SPOPL: variants seen among roughly 807,000 people sequenced by gnomAD.
SPOPL encodes speckle-type POZ protein-like.
Under a neutral mutation model 53.8 loss-of-function variants are expected in SPOPL, and 23 were observed. The observed-to-expected ratio is 0.43, with a 90% confidence interval of 0.31 to 0.61. SPOPL has a LOEUF of 0.61. SPOPL is among the 20% of genes least tolerant of loss of function. The probability of loss-of-function intolerance (pLI) is 0.12; values close to 1 mark genes in which losing one functional copy is unlikely to be tolerated. For missense variants in SPOPL, 442 were observed against 466.9 expected (o/e 0.95, Z 0.49); for synonymous variants, 164 against 149.7 (o/e 1.10, Z -0.70).
At position 138,551,025 on chromosome 2, in the gene SPOPL, A is replaced by G; in HGVS notation, c.323A>G (p.Asn108Ser). 6.2e-7 allele frequency: 1 copy of G among 1,613,272 alleles called. No homozygotes were observed. The stretch of plus-strand genomic sequence containing the variant: ...GCAAAATTCAAATTTTCCCTTCTGA[A>G]TGCTAAAAGGGAAGAAACAAAAGCA... ...VRAKFKFSLL[N>S]AKREETKAME... The change falls in exon 4 of 11, where the codon AAT becomes AGT. Residue 108 changes from asparagine to serine, a missense_variant. Physicochemically the swap from Asn to Ser is conservative, Grantham distance 46. Coordinates refer to ENST00000280098, the MANE Select transcript of SPOPL (RefSeq NM_001001664.3).
At chr2:138,520,596 G>A (rs1684535236) in intron 1 of SPOPL, among the ~76,000 whole-genome samples, 1 of 152,164 alleles carries the variant, frequency 6.6e-6, no homozygotes, top group Non-Finnish European at 1.5e-5. Flanking sequence ...TGAGGTTAGA[G>A]GCTGTCTTTG....
chr2:138,514,485 A>C (rs536834925), intron 1 of SPOPL, among the ~76,000 whole-genome samples: 3 of 152,286 alleles, frequency 2.0e-5, no homozygotes, highest in Middle Eastern at 3.4e-3. Flanking sequence ...TGGGGTCCCA[A>C]GGGTTTTTTC....
chr2:138,531,050 C>A (rs1470115895), intron 1 of SPOPL, among the ~76,000 whole-genome samples: 1 of 151,968 alleles, frequency 6.6e-6, no homozygotes, highest in African/African-American at 2.4e-5. Context: ...CTGCAACTAT[C>A]AAAGTGATCT....
At chr2:138,563,065 G>T (rs570864976) in intron 8 of SPOPL, among the ~76,000 whole-genome samples, 2 of 152,230 alleles carry the variant, frequency 1.3e-5, no homozygotes, top group African/African-American at 2.4e-5. Flanking sequence ...GAATATATCT[G>T]ACTTTTGTAT....
chr2:138,527,878 G>A (rs886247827), intron 1 of SPOPL, among the ~76,000 whole-genome samples: 13 of 152,168 alleles, frequency 8.5e-5, no homozygotes, highest in East Asian at 3.9e-4. Context: ...GTACAAGTGG[G>A]CAAGGTGTCT....
At chr2:138,549,126 G>T (rs1457658309) in intron 1 of SPOPL, among the ~76,000 whole-genome samples, 8 of 151,824 alleles carry the variant, frequency 5.3e-5, no homozygotes, top group Non-Finnish European at 1.2e-4. Flanking sequence ...TTGAATGTTG[G>T]GTATTGCTGT....
rs201677382 is a variant in SPOPL, at chr2:138,559,008, C to G, written c.481-14C>G. 6.5e-6 allele frequency: 10 copies of G among 1,549,458 alleles called. No homozygotes were observed. The East Asian group carries it at 2.1e-4, about 32-fold the overall frequency. On this transcript the variant is annotated splice_polypyrimidine_tract_variant and intron_variant, in intron 5 of 10. Transcript: ENST00000280098. Reference sequence around the variant, plus strand: ...TTTGTGAAAGTGTTTTTCTTGCTGTCCCTTTTTTATTAGGTGAGTGTGGTC... The same window carrying G: ...TTTGTGAAAGTGTTTTTCTTGCTGTGCCTTTTTTATTAGGTGAGTGTGGTC...
intron 1 of SPOPL, among the ~76,000 whole-genome samples, chr2:138,539,451 G>A (rs1193422853): frequency 6.6e-6 from 1 of 151,988 alleles, no homozygotes; most frequent in African/African-American, 2.4e-5. Context: ...TCTAACTGGT[G>A]TGAGATGGTA....
chr2:138,559,524 A>G (rs1001294187), intron 7 of SPOPL, among the ~76,000 whole-genome samples, 187 bp downstream of exon 7: 7 of 152,296 alleles, frequency 4.6e-5, no homozygotes, highest in South Asian at 2.1e-4. Flanking sequence ...TGTGCAGTCA[A>G]TATTCCAGAG....
intron 10 of SPOPL, among the ~76,000 whole-genome samples, chr2:138,565,751 T>G (rs1207297166): frequency 6.6e-6 from 1 of 151,540 alleles, no homozygotes; most frequent in Non-Finnish European, 1.5e-5. Flanking sequence ...TTTTTTTTTT[T>G]GAGACAGAGT....
At chr2:138,559,779 C>G (rs1685505556) in intron 7 of SPOPL, among the ~76,000 whole-genome samples, 1 of 152,088 alleles carries the variant, frequency 6.6e-6, no homozygotes, top group Non-Finnish European at 1.5e-5. Flanking sequence ...CTTGACTTCC[C>G]CAGATGTTTC....
At chr2:138,508,239 G>A (rs371357335) in intron 1 of SPOPL, among the ~76,000 whole-genome samples, 5 of 152,184 alleles carry the variant, frequency 3.3e-5, no homozygotes, top group African/African-American at 4.8e-5. Context: ...GAATACTGTA[G>A]TTGGCAAAAC....
At chr2:138,526,242 T>C (rs968671853) in intron 1 of SPOPL, among the ~76,000 whole-genome samples, 1 of 152,190 alleles carries the variant, frequency 6.6e-6, no homozygotes, top group Non-Finnish European at 1.5e-5. Flanking sequence ...TAATCCTGTG[T>C]ACATGAAAAT....
intron 1 of SPOPL, among the ~76,000 whole-genome samples, chr2:138,545,904 A>G (rs1236829000): frequency 1.3e-5 from 2 of 152,142 alleles, no homozygotes; most frequent in Non-Finnish European, 2.9e-5. Context: ...TTCTACCTAT[A>G]TAGTTTAGTG....
intron 1 of SPOPL, among the ~76,000 whole-genome samples, chr2:138,525,285 A>G (rs922197017): frequency 6.6e-6 from 1 of 152,166 alleles, no homozygotes; most frequent in Non-Finnish European, 1.5e-5. Context: ...TCATGAGAAC[A>G]GCATGGGAAA....
chr2:138,559,617 T>G (rs1481606178), intron 7 of SPOPL, among the ~76,000 whole-genome samples: 2 of 152,180 alleles, frequency 1.3e-5, no homozygotes, highest in Non-Finnish European at 2.9e-5. Flanking sequence ...ACTATTCTGG[T>G]CCATAGCTAT....
intron 1 of SPOPL, among the ~76,000 whole-genome samples, chr2:138,541,990 A>G (rs2104883633): frequency 6.6e-6 from 1 of 152,162 alleles, no homozygotes; most frequent in East Asian, 1.9e-4. Context: ...TCATTTCGTT[A>G]TGTACCCAGT....
intron 1 of SPOPL, among the ~76,000 whole-genome samples, chr2:138,542,873 C>A (rs1685105304): frequency 6.6e-6 from 1 of 152,140 alleles, no homozygotes; most frequent in Non-Finnish European, 1.5e-5. Context: ...GTGGCTGGTA[C>A]CGGTTGTTCC....
intron 8 of SPOPL, among the ~76,000 whole-genome samples, chr2:138,561,984 A>C (rs1685560169): frequency 6.6e-6 from 1 of 152,118 alleles, no homozygotes; most frequent in African/African-American, 2.4e-5. Context: ...CTGTTTCTAC[A>C]ATAAAAGTTG....
Sources: gnomAD v4.1 joint callset for allele counts (sites outside exome capture counted in the v4.1 genomes callset) on GRCh38, gnomAD v4.1.1 for gene constraint, MANE v1.5 for transcripts, NCBI Gene and HGNC (gene_info 2026-07-23, HGNC 2026-07-21) for gene names.